The following DNAH6 variants were observed in gnomAD, a reference collection of about 807,000 sequenced individuals.
DNAH6 encodes the protein dynein axonemal heavy chain 6.
A neutral mutation model predicts 491.4 loss-of-function variants in DNAH6; 340 were observed. The ratio of observed to expected loss-of-function variants is 0.69; its 90% CI spans 0.63 to 0.76. The LOEUF (loss-of-function observed/expected upper bound fraction) is 0.76, where lower values mean the gene tolerates loss of function less well. Ranked by LOEUF, DNAH6 falls within the 30% of genes least tolerant of loss-of-function variation. The pLI is 0.00. For synonymous variants in DNAH6, 1,603 were observed against 1,686.1 expected (o/e 0.95, Z 1.21); for missense variants, 4,443 against 4,972.2 (o/e 0.89, Z 3.20).
At chr2:84,571,080 C>A (rs556853950) in intron 11 of DNAH6, among the ~76,000 whole-genome samples, 1 of 152,192 alleles carries the variant, frequency 6.6e-6, no homozygotes, top group South Asian at 2.1e-4. Flanking sequence ...TGATCACTAC[C>A]AAATCCTTTG....
chr2:84,717,685 G>A (rs1697675381), intron 58 of DNAH6, among the ~76,000 whole-genome samples: 1 of 152,218 alleles, frequency 6.6e-6, no homozygotes, highest in South Asian at 2.1e-4. Context: ...AGCAAATTAT[G>A]AGAGAACAAG....
intron 31 of DNAH6, 112 bp downstream of exon 31, chr2:84,637,489 C>T: frequency 4.2e-6 from 5 of 1,180,182 alleles, no homozygotes; most frequent in Non-Finnish European, 5.7e-6. Context: ...AATGGTTACA[C>T]ATTATTAAGT....
intron 11 of DNAH6, among the ~76,000 whole-genome samples, chr2:84,565,945 T>C (rs1268877127): frequency 6.6e-6 from 1 of 151,996 alleles, no homozygotes; most frequent in Non-Finnish European, 1.5e-5. Flanking sequence ...ATTTTCATGG[T>C]AGGTCCTTTT....
chr2:84,602,061 C>T (rs2104260840), intron 18 of DNAH6, among the ~76,000 whole-genome samples: 1 of 151,100 alleles, frequency 6.6e-6, no homozygotes, highest in Non-Finnish European at 1.5e-5. Flanking sequence ...TCTATATTTA[C>T]ATATACTATA....
chr2:84,579,197 T>G (rs1262958599), intron 13 of DNAH6, among the ~76,000 whole-genome samples: 1 of 152,218 alleles, frequency 6.6e-6, no homozygotes, highest in Non-Finnish European at 1.5e-5. Flanking sequence ...CCAAACTGCA[T>G]GGCTAGCGCC....
At chr2:84,808,918 A>G (rs563143921) in intron 72 of DNAH6, among the ~76,000 whole-genome samples, 1 of 152,282 alleles carries the variant, frequency 6.6e-6, no homozygotes, top group Admixed American at 6.5e-5. Context: ...GAAAACCATA[A>G]TCTGTCAAAG....
intron 42 of DNAH6, among the ~76,000 whole-genome samples, chr2:84,682,743 G>A (rs10520395): frequency 0.037 from 5,625 of 152,072 alleles, 116 homozygotes; most frequent in Middle Eastern, 0.088. Context: ...AATATATCCC[G>A]AATCTAACCA....
rs1351409882 is a variant in DNAH6 at position 84,618,145 on chromosome 2, A to G, written c.3572+1163A>G. On this transcript the variant is annotated intron_variant, in intron 23 of 76. Coordinates refer to ENST00000389394, the MANE Select transcript of DNAH6 (RefSeq NM_001370.2). ...ACTCTAAGTGTTTAGAGCAAGTTTC[A>G]TGCAGGGAATTAGAAGTTTTCACTG... Among the ~76,000 whole-genome samples, 3 of 152,160 alleles carry G rather than the reference A, an allele frequency of 2.0e-5. No individual in the cohort carries two copies. In the East Asian group the frequency reaches 5.8e-4, roughly 29 times the overall value.
the DNAH6 span, among the ~76,000 whole-genome samples, chr2:84,478,124 G>T: frequency 6.6e-6 from 1 of 152,214 alleles, no homozygotes; most frequent in Non-Finnish European, 1.5e-5. Flanking sequence ...AGAGGGATTA[G>T]GGAGCTTGTA....
intron 66 of DNAH6, 105 bp downstream of exon 66, chr2:84,784,915 G>A: frequency 2.6e-6 from 2 of 770,086 alleles, no homozygotes; most frequent in South Asian, 3.6e-5. Context: ...GTGGAGGTCT[G>A]TGTGGCCAGC....
intron 44 of DNAH6, among the ~76,000 whole-genome samples, chr2:84,686,803 G>A (rs1004350919): frequency 3.3e-5 from 5 of 152,142 alleles, no homozygotes; most frequent in Non-Finnish European, 5.9e-5. Flanking sequence ...CTCTACAACA[G>A]CAGAGTGCAG....
chr2:84,465,448 T>C, the DNAH6 span, among the ~76,000 whole-genome samples: 1 of 151,874 alleles, frequency 6.6e-6, no homozygotes, highest in African/African-American at 2.4e-5. Flanking sequence ...TGAGCCAAGA[T>C]TGCACCACTG....
At chr2:84,700,239 A>G (rs972947530) in intron 48 of DNAH6, among the ~76,000 whole-genome samples, 1 of 152,220 alleles carries the variant, frequency 6.6e-6, no homozygotes, top group Non-Finnish European at 1.5e-5. Context: ...GTGTCCTTGA[A>G]TAAGCAAGAA....
In DNAH6 at chr2:84,584,012, A is replaced by G; in HGVS notation, c.2243A>G (p.Glu748Gly). The G allele has an allele frequency of 2.5e-6, 4 of 1,613,536 alleles. No homozygotes were observed. Among genetic ancestry groups the G allele is most frequent in the Non-Finnish European group, 3.4e-6 (4 of 1,179,686 alleles). Residue 748 changes from glutamate (E) to glycine (G), a missense_variant, in exon 15 of 77, where the codon GAA (glutamate) becomes GGA (glycine). Physicochemically the swap from Glu to Gly is moderately conservative, Grantham distance 98. This residue lies in a region of DNAH6 where 2,977 missense variants were observed against 3,296.6 expected (regional missense o/e 0.90). Coordinates refer to ENST00000389394, the MANE Select transcript of DNAH6 (RefSeq NM_001370.2). ...GTTTCCATTTAGATTGAAAGCCTTG[A>G]AGATGAGGGGAATATAGTGACTCAA... Reference protein sequence around the residue: ...DEIQERIESLEDEGNIVTQMY... With the variant: ...DEIQERIESLGDEGNIVTQMY...
intron 63 of DNAH6, among the ~76,000 whole-genome samples, chr2:84,754,554 GA>G (rs1307637153): frequency 6.6e-6 from 1 of 152,210 alleles, no homozygotes. Flanking sequence ...CTTACCCATT[GA>G]ATGATTCTGG....
intron 68 of DNAH6, among the ~76,000 whole-genome samples, chr2:84,791,821 CGA>C: frequency 6.6e-6 from 1 of 151,740 alleles, no homozygotes; most frequent in African/African-American, 2.4e-5. Context: ...TTGCTAATGG[CGA>C]GTTTTTTTAG....
rs891549874 is a variant in DNAH6, at chr2:84,588,808, A to G, written c.2482-18A>G. Reference sequence around the variant, plus strand: ...AAAAAGCAGGAATGGCTAACCAAAAACTGTCTTAAATTTATAGGATCCACA... The same window carrying G: ...AAAAAGCAGGAATGGCTAACCAAAAGCTGTCTTAAATTTATAGGATCCACA... On this transcript the variant is annotated intron_variant, in intron 15 of 76. Coordinates refer to ENST00000389394, the MANE Select transcript of DNAH6 (RefSeq NM_001370.2). 11 of 1,507,416 alleles carry G rather than the reference A, an allele frequency of 7.3e-6. No homozygotes were observed. Among genetic ancestry groups the G allele is most frequent in the African/African-American group, 1.4e-5 (1 of 70,500 alleles). 93.4% of individuals were successfully genotyped at this position (1,507,416 alleles called of 1,614,324 possible). A position where few individuals can be genotyped will look rare whatever the true frequency, so the allele number is the denominator to read the frequency against.
Position 84,662,629 on chromosome 2 carries a change from C to A in DNAH6, c.6084+3460C>A, listed in dbSNP as rs534560947. On this transcript the variant is annotated intron_variant, in intron 37 of 76. Coordinates refer to ENST00000389394, the MANE Select transcript of DNAH6 (RefSeq NM_001370.2). ...AAAGCTCAAACTGGGTGGAGCCCAC[C>A]ACAGCTCAAGGAGGCCTACCTGCCT... Among the ~76,000 whole-genome samples, 18 of 152,296 alleles carry A rather than the reference C, an allele frequency of 1.2e-4. No individual in the cohort carries two copies. The South Asian group carries it at 3.3e-3, about 28-fold the overall frequency.
At chr2:84,756,004 G>A (rs939050521) in intron 63 of DNAH6, among the ~76,000 whole-genome samples, 8 of 152,194 alleles carry the variant, frequency 5.3e-5, no homozygotes, top group Non-Finnish European at 1.5e-5. Flanking sequence ...TCCATGTAAG[G>A]CGTGACTTGC....
Sources: allele counts gnomAD v4.1 joint callset (sites outside exome capture counted in the v4.1 genomes callset), GRCh38; gene constraint gnomAD v4.1.1; regional missense constraint gnomAD v4.1.1; transcripts MANE v1.5; gene names NCBI Gene and HGNC (gene_info 2026-07-23, HGNC 2026-07-21).